The following SMURF2 variants were observed in gnomAD, a reference collection of about 807,000 sequenced individuals.
SMURF2 encodes the protein E3 ubiquitin-protein ligase SMURF2.
Under a neutral mutation model 109.6 loss-of-function variants are expected in SMURF2, and 48 were observed. The ratio of observed to expected loss-of-function variants is 0.44; its 90% CI spans 0.35 to 0.56. The LOEUF (loss-of-function observed/expected upper bound fraction) is 0.56. Among genes scored for constraint, SMURF2 ranks in the 20% least tolerant of loss-of-function variants. SMURF2 has a pLI of 0.01. For synonymous variants in SMURF2, 288 were observed against 317.1 expected (o/e 0.91, Z 0.97); for missense variants, 575 against 909.0 (o/e 0.63, Z 4.72).
At chr17:64,584,367 T>TTTTTTTTTTC in intron 6 of SMURF2, among the ~76,000 whole-genome samples, 1 of 145,634 alleles carries the variant, frequency 6.9e-6, no homozygotes, top group African/African-American at 2.6e-5. Context: ...TTTTCTTTTT[T>TTTTTTTTTTC]TTTTTTTTTT....
intron 1 of SMURF2, among the ~76,000 whole-genome samples, chr17:64,639,576 C>CA (rs567006951): frequency 0.01 from 1,437 of 142,138 alleles, 16 homozygotes; most frequent in African/African-American, 0.034. Flanking sequence ...GACTCTGACT[C>CA]AAAAAAAAAA....
chr17:64,605,164 G>A (rs972877061), intron 2 of SMURF2, among the ~76,000 whole-genome samples: 3 of 152,070 alleles, frequency 2.0e-5, no homozygotes, highest in Non-Finnish European at 2.9e-5. Flanking sequence ...AACAGGGAGA[G>A]ATGGGAAGTT....
chr17:64,553,733 C>T (rs181042620), intron 15 of SMURF2, among the ~76,000 whole-genome samples: 21 of 152,210 alleles, frequency 1.4e-4, no homozygotes, highest in Admixed American at 9.8e-4. Context: ...CGTATTCGTT[C>T]AGTTACATGT....
chr17:64,568,146 G>A (rs930003133), intron 10 of SMURF2, among the ~76,000 whole-genome samples: 7 of 151,754 alleles, frequency 4.6e-5, no homozygotes, highest in East Asian at 1.9e-4. Context: ...GGGCCACCGC[G>A]CCTGGCCTAA....
intron 2 of SMURF2, among the ~76,000 whole-genome samples, chr17:64,605,760 T>C (rs1221275056): frequency 7.1e-6 from 1 of 141,412 alleles, no homozygotes; most frequent in Admixed American, 7.4e-5. Context: ...TATATATATA[T>C]ATATATATAT....
intron 10 of SMURF2, among the ~76,000 whole-genome samples, chr17:64,566,744 G>A (rs1477241307): frequency 6.7e-6 from 1 of 148,318 alleles, no homozygotes; most frequent in African/African-American, 2.5e-5. Context: ...GCTAATTTTT[G>A]TATTTTTAGT....
At chr17:64,566,077 C>T (rs1969296145) in intron 10 of SMURF2, among the ~76,000 whole-genome samples, 1 of 151,860 alleles carries the variant, frequency 6.6e-6, no homozygotes. Context: ...GACATAGATT[C>T]AAAACTCCGT....
rs781893924 is a variant in SMURF2 at position 64,583,452 on chromosome 17, T to A, written c.569+9A>T. 3.1e-6 allele frequency: 5 copies of A among 1,607,126 alleles called. No homozygotes were observed. Among genetic ancestry groups the A allele is most frequent in the Non-Finnish European group, 4.3e-6 (5 of 1,173,700 alleles). On this transcript the variant is annotated intron_variant, in intron 7 of 18. Transcript: ENST00000262435. ...CATAGATCATGAGAAAATATTTGTA[T>A]GTTCTTACCGTGTTGGGCGCTCCCA...
At position 64,556,082 on chromosome 17, in the gene SMURF2, C is replaced by A. The variant is rs1969116464; in HGVS notation, c.1432-84G>T. 11 of 1,044,712 alleles carry A rather than the reference C, an allele frequency of 1.1e-5. No homozygotes were observed. The Admixed American group carries it at 2.9e-4, about 28-fold the overall frequency. The allele number at this position is 1,044,712 out of a possible 1,614,324, so 64.7% of individuals were successfully genotyped here. On this transcript the variant is annotated intron_variant, in intron 13 of 18. Coordinates refer to ENST00000262435, the MANE Select transcript of SMURF2 (RefSeq NM_022739.4). ...AATGAAATATTTCAGCAACATTAAT[C>A]TTTTTGAGAATAAGCATAAAATTTT...
chr17:64,588,091 CAAAA>C (rs375759315), intron 5 of SMURF2, among the ~76,000 whole-genome samples: 2 of 68,882 alleles, frequency 2.9e-5, no homozygotes, highest in East Asian at 4.5e-4. Flanking sequence ...GTTTATGGTC[CAAAA>C]AAAAAAAAAA....
intron 1 of SMURF2, among the ~76,000 whole-genome samples, chr17:64,655,967 A>T (rs1344891207): frequency 6.6e-6 from 1 of 152,232 alleles, no homozygotes; most frequent in African/African-American, 2.4e-5. Flanking sequence ...TATGGCACTG[A>T]ACAAGAGCTA....
In SMURF2 at chr17:64,565,076, C is replaced by T. The variant is rs185784832; in HGVS notation, c.1017-2110G>A. Reference sequence around the variant, plus strand: ...TGTATGTCAATATATTTCAATAAGGCTGATTTTAAAAAATCCAGCAGATAT... The same window carrying T: ...TGTATGTCAATATATTTCAATAAGGTTGATTTTAAAAAATCCAGCAGATAT... On this transcript the variant is annotated intron_variant, in intron 10 of 18. Transcript: ENST00000262435. Among the ~76,000 whole-genome samples, 281 of 152,256 alleles carry T rather than the reference C, an allele frequency of 1.8e-3. 2 individuals are homozygous for T. Among genetic ancestry groups the T allele is most frequent in the Non-Finnish European group, 6.8e-4 (46 of 68,020 alleles).
At chr17:64,565,917 CAA>C (rs1969294087) in intron 10 of SMURF2, among the ~76,000 whole-genome samples, 1 of 151,020 alleles carries the variant, frequency 6.6e-6, no homozygotes, top group African/African-American at 2.4e-5. Flanking sequence ...GCTTCCTTGG[CAA>C]AGTTATTTAT....
Position 64,591,126 on chromosome 17 carries a change from GT to G in SMURF2, c.357del (p.Lys119AsnfsTer14), listed in dbSNP as rs782362162. 1 of 1,613,028 alleles carries G rather than the reference GT, an allele frequency of 6.2e-7. No individual in the cohort carries two copies. Among genetic ancestry groups the G allele is most frequent in the Non-Finnish European group, 8.5e-7 (1 of 1,179,516 alleles). ...DTGYQRLDLCKLGPNDNDTVR... is the reference protein window; with the variant it reads ...DTGYQRLDLCXLGPNDNDTVR... ...ACTGTATCATTGTCATTTGGCCCGA[GT>G]TTGCATAAATCCAACCTCTGATCTA... On this transcript the variant is annotated frameshift_variant, in exon 5 of 19. Transcript: ENST00000262435. LOFTEE classifies it high-confidence loss of function.
chr17:64,655,464 G>A (rs1340330864), intron 1 of SMURF2, among the ~76,000 whole-genome samples: 5 of 150,640 alleles, frequency 3.3e-5, no homozygotes, highest in Admixed American at 1.3e-4. Flanking sequence ...CACCATGTTG[G>A]CCAGGCTGGT....
chr17:64,606,742 T>G, intron 1 of SMURF2, 102 bp from the exon 2 acceptor site: 1 of 792,086 alleles, frequency 1.3e-6, no homozygotes, highest in South Asian at 1.8e-5. Flanking sequence ...AGTTAAACCC[T>G]AACTATAGCA....
At chr17:64,565,976 C>G (rs1969294831) in intron 10 of SMURF2, among the ~76,000 whole-genome samples, 1 of 151,786 alleles carries the variant, frequency 6.6e-6, no homozygotes, top group Non-Finnish European at 1.5e-5. Context: ...ATTCTAATGA[C>G]ATTTTTGCCA....
At chr17:64,579,540 T>C (rs1969551423) in intron 8 of SMURF2, among the ~76,000 whole-genome samples, 2 of 152,164 alleles carry the variant, frequency 1.3e-5, no homozygotes, top group African/African-American at 2.4e-5. Flanking sequence ...GTTTTTAAAA[T>C]TCAAATCACA....
intron 16 of SMURF2, among the ~76,000 whole-genome samples, chr17:64,550,648 C>T (rs1018849657): frequency 6.6e-6 from 1 of 151,348 alleles, no homozygotes; most frequent in Non-Finnish European, 1.5e-5. Flanking sequence ...GACGTGGTGG[C>T]AGGTGCCTGT....
Sources: allele counts gnomAD v4.1 joint callset (sites outside exome capture counted in the v4.1 genomes callset), GRCh38; gene constraint gnomAD v4.1.1; transcripts MANE v1.5; gene names NCBI Gene and HGNC (gene_info 2026-07-23, HGNC 2026-07-21).